The following SETX variants were observed in gnomAD, a reference collection of about 807,000 sequenced individuals.
SETX encodes the protein helicase senataxin.
SETX carries 90 observed loss-of-function variants against 227.2 expected under a neutral mutation model. That is an observed-to-expected ratio of 0.40 (90% CI 0.33 to 0.47). The LOEUF is 0.47. Among genes scored for constraint, SETX ranks in the 20% least tolerant of loss-of-function variants. The pLI, the probability that SETX is intolerant of heterozygous loss-of-function variation, is 0.91. For missense variants in SETX, 3,052 were observed against 3,181.5 expected, an observed-to-expected ratio of 0.96 and a Z score of 0.98; for synonymous variants, 1,210 against 1,113.2, an observed-to-expected ratio of 1.09 and a Z score of -1.73.
intron 2 of SETX, among the ~76,000 whole-genome samples, chr9:132,351,549 T>G (rs542877078): frequency 1.3e-5 from 2 of 152,192 alleles, no homozygotes; most frequent in African/African-American, 2.4e-5. Context: ...GTGAGTGTCA[T>G]GGCCGCTAGA....
intron 24 of SETX, among the ~76,000 whole-genome samples, chr9:132,270,391 C>T (rs1048764666): frequency 6.6e-6 from 1 of 151,868 alleles, no homozygotes; most frequent in African/African-American, 2.4e-5. Flanking sequence ...TCTAGAATGA[C>T]TCAGCATGCC....
chr9:132,285,636 C>T (rs991106657), intron 18 of SETX, among the ~76,000 whole-genome samples: 2 of 151,682 alleles, frequency 1.3e-5, no homozygotes, highest in Non-Finnish European at 2.9e-5. Context: ...AATCCCAGCA[C>T]TTAGGGAGGC....
rs139980548 is a variant in SETX, at chr9:132,271,869, T to C, written c.7101-61A>G. ...GGAAGATAATTATTAAGTATACATA[T>C]TTATAAACTAGTTTTTTGGTTTTTT... On this transcript the variant is annotated intron_variant, in intron 23 of 25. Coordinates refer to ENST00000224140, the MANE Select transcript of SETX (RefSeq NM_015046.7). The C allele has an allele frequency of 6.1e-4, 893 of 1,459,440 alleles. 2 individuals are homozygous for C. The highest frequency in any genetic ancestry group is 7.8e-4 in the Non-Finnish European group (816 of 1,050,830). The allele number at this position is 1,459,440 out of a possible 1,614,324, so 90.4% of individuals were successfully genotyped here. A position where few individuals can be genotyped will look rare whatever the true frequency, so the allele number is the denominator to read the frequency against.
At chr9:132,281,205 G>C (rs1470086793) in intron 20 of SETX, among the ~76,000 whole-genome samples, 1 of 152,256 alleles carries the variant, frequency 6.6e-6, no homozygotes, top group Middle Eastern at 3.4e-3. Flanking sequence ...CCAAAGCTTG[G>C]TTTCCATGGC....
chr9:132,268,396 G>A (rs982407577), intron 25 of SETX, among the ~76,000 whole-genome samples: 1 of 152,228 alleles, frequency 6.6e-6, no homozygotes, highest in South Asian at 2.1e-4. Flanking sequence ...AGCTACTCAG[G>A]AGGCTGAGGT....
rs557129753 is a variant in SETX, at chr9:132,311,140, C to T, written c.5374+617G>A. Among the ~76,000 whole-genome samples, 50 of 152,140 alleles carry T rather than the reference C, an allele frequency of 3.3e-4. 1 individual carries two copies. The East Asian group carries it at 9.7e-3, about 29-fold the overall frequency. ...CGCCACCATGCCTGGCTAATGTTTG[C>T]ATTTTTAGTAGAAACGGGGTTTCAC... is the stretch of plus-strand genomic sequence containing the variant. On this transcript the variant is annotated intron_variant, in intron 11 of 25. Coordinates refer to ENST00000224140, the MANE Select transcript of SETX (RefSeq NM_015046.7).
chr9:132,281,314 T>A (rs1366469468), intron 20 of SETX, among the ~76,000 whole-genome samples, 153 bp downstream of exon 20: 2 of 152,190 alleles, frequency 1.3e-5, no homozygotes, highest in Non-Finnish European at 2.9e-5. Flanking sequence ...AGGCATTTTT[T>A]AAAATTTATT....
intron 10 of SETX, among the ~76,000 whole-genome samples, chr9:132,316,752 G>C (rs1238991422): frequency 6.6e-6 from 1 of 152,100 alleles, no homozygotes; most frequent in Non-Finnish European, 1.5e-5. Context: ...TCCTTCTTAG[G>C]AGCCAAAGGG....
At chr9:132,346,179 T>G (rs1848274381) in intron 4 of SETX, 82 bp downstream of exon 4, 1 of 1,130,918 alleles carries the variant, frequency 8.8e-7, no homozygotes, top group African/African-American at 1.6e-5. Context: ...AGCAAACAAA[T>G]TTGCAATATA....
chr9:132,296,156 A>C, intron 14 of SETX, 128 bp from the exon 15 acceptor site: 1 of 1,193,930 alleles, frequency 8.4e-7, no homozygotes, highest in Non-Finnish European at 1.2e-6. Context: ...GTTAAAAATA[A>C]ATAAAAGCAT....
chr9:132,265,228 T>C (rs867135496), intron 25 of SETX, among the ~76,000 whole-genome samples: 1 of 144,062 alleles, frequency 6.9e-6, no homozygotes. Flanking sequence ...ACTTTTGTTT[T>C]TTTTTTTTTT....
rs767605740 is a variant in SETX at position 132,311,741 on chromosome 9, G to GT, written c.5374+15dup. On this transcript the variant is annotated intron_variant, in intron 11 of 25. Transcript: ENST00000224140. The stretch of plus-strand genomic sequence containing the variant: ...TATTATATCATATATTCCAAGTTGC[G>GT]TAAGAAAAAACTTACCTGCAAACTC... 1.9e-6 allele frequency: 3 copies of GT among 1,548,198 alleles called. No individual in the cohort carries two copies. Among genetic ancestry groups the GT allele is most frequent in the Non-Finnish European group, 2.7e-6 (3 of 1,122,008 alleles).
intron 11 of SETX, among the ~76,000 whole-genome samples, chr9:132,309,030 C>G (rs1428019289): frequency 6.6e-6 from 1 of 151,986 alleles, no homozygotes; most frequent in East Asian, 1.9e-4. Context: ...CCTAGCTACT[C>G]GGGAGGTTGA....
In SETX at chr9:132,327,430, C is replaced by G. The variant is rs1679655473; in HGVS notation, c.4168G>C (p.Glu1390Gln). The change falls in exon 10 of 26, where the codon GAA becomes CAA. Residue 1390 changes from glutamate to glutamine, a missense_variant. By Grantham distance (29) the Glu-to-Gln change is conservative (BLOSUM62 2). Coordinates refer to ENST00000224140, the MANE Select transcript of SETX (RefSeq NM_015046.7). Reference protein sequence around the residue: ...TAQNSDIFVPESDRSDYNCTG... With the variant: ...TAQNSDIFVPQSDRSDYNCTG... ...CAATTATAATCTGACCTATCAGATT[C>G]TGGTACAAATATGTCAGAATTCTGT... 1.2e-6 allele frequency: 2 copies of G among 1,614,158 alleles called. No homozygotes were observed. Among genetic ancestry groups the G allele is most frequent in the Non-Finnish European group, 1.7e-6 (2 of 1,180,006 alleles).
intron 23 of SETX, among the ~76,000 whole-genome samples, chr9:132,273,511 C>T (rs376533756): frequency 2.0e-5 from 3 of 152,200 alleles, no homozygotes; most frequent in East Asian, 1.9e-4. Flanking sequence ...CAGTTTTCAG[C>T]GTACAAGTCT....
intron 20 of SETX, among the ~76,000 whole-genome samples, chr9:132,279,768 G>C (rs925083895): frequency 4.6e-5 from 7 of 151,936 alleles, no homozygotes; most frequent in African/African-American, 1.2e-4. Context: ...GTAAGGTAAC[G>C]CATCTACCTC....
chr9:132,325,049 G>A (rs1431611434), intron 10 of SETX, among the ~76,000 whole-genome samples: 1 of 152,202 alleles, frequency 6.6e-6, no homozygotes, highest in Non-Finnish European at 1.5e-5. Context: ...ACACAGAGCA[G>A]CTGCTGTGAT....
intron 11 of SETX, among the ~76,000 whole-genome samples, chr9:132,301,243 C>A (rs999985794): frequency 6.6e-6 from 1 of 151,806 alleles, no homozygotes; most frequent in Non-Finnish European, 1.5e-5. Flanking sequence ...CCCGCCACCA[C>A]GCCCGGCTAA....
chr9:132,284,606 C>A (rs1031207669), intron 18 of SETX, among the ~76,000 whole-genome samples: 3 of 152,176 alleles, frequency 2.0e-5, no homozygotes, highest in Non-Finnish European at 4.4e-5. Flanking sequence ...GATATTTTCA[C>A]ATCCAAAAAA....
Sources: gnomAD v4.1 joint callset for allele counts (sites outside exome capture counted in the v4.1 genomes callset) on GRCh38, gnomAD v4.1.1 for gene constraint, MANE v1.5 for transcripts, NCBI Gene and HGNC (gene_info 2026-07-23, HGNC 2026-07-21) for gene names.